The following CLCN2 variants were observed in gnomAD, a reference collection of about 807,000 sequenced individuals.
CLCN2 encodes chloride voltage-gated channel 2, also known as chloride channel protein 2.
In CLCN2, 72 loss-of-function variants were observed where a neutral mutation model predicts 108.3. The ratio of observed to expected loss-of-function variants is 0.66; its 90% CI spans 0.55 to 0.81. The LOEUF (loss-of-function observed/expected upper bound fraction) is 0.81. Ranked by LOEUF, CLCN2 falls within the 30% of genes least tolerant of loss-of-function variation. The pLI, the probability that CLCN2 is intolerant of heterozygous loss-of-function variation, is 0.00. For synonymous variants in CLCN2, 471 were observed against 467.1 expected, an observed-to-expected ratio of 1.01 and a Z score of -0.11; for missense variants, 1,048 against 1,205.2, an observed-to-expected ratio of 0.87 and a Z score of 1.93.
intron 10 of CLCN2, chr3:184,356,353 A>G (rs1350009572): frequency 2.4e-5 from 4 of 164,310 alleles, no homozygotes; most frequent in Non-Finnish European, 5.3e-5. Flanking sequence ...TTAAAAAAAA[A>G]AAAATCTCGG....
intron 20 of CLCN2, 34 bp from the exon 21 acceptor site, chr3:184,352,365 GC>G (rs1424986598): frequency 6.2e-7 from 1 of 1,613,482 alleles, no homozygotes; most frequent in African/African-American, 1.3e-5. Flanking sequence ...GCAGCTAGGG[GC>G]TCTGGAGTTT....
At position 184,346,293 on chromosome 3, in the gene CLCN2, G is replaced by T; in HGVS notation, c.*313C>A. 4.3e-6 allele frequency: 2 copies of T among 465,968 alleles called. No individual in the cohort carries two copies. The highest frequency in any genetic ancestry group is 4.6e-5 in the South Asian group (2 of 43,228). 28.9% of individuals were successfully genotyped at this position (465,968 alleles called of 1,614,324 possible). ...AATCTCTATATACATCTGGTCATTG[G>T]AGGTTCCAGTTATAAACCCATCTTA... On this transcript the variant is annotated 3_prime_UTR_variant, in exon 24 of 24. Transcript: ENST00000265593. The surrounding 1 kb of genome is among the most constrained non-coding windows in gnomAD (Gnocchi z 6.0).
Position 184,354,557 on chromosome 3 carries a change from C to T in CLCN2, c.1498G>A (p.Ala500Thr). The T allele has an allele frequency of 6.2e-7, 1 of 1,612,824 alleles. No homozygotes were observed. Among genetic ancestry groups the T allele is most frequent in the Non-Finnish European group, 8.5e-7 (1 of 1,179,714 alleles). The change falls in exon 14 of 24, where the codon GCT becomes ACT. Residue 500 changes from alanine to threonine, a missense_variant. Ala to Thr is a moderately conservative substitution (Grantham distance 58, BLOSUM62 0). Coordinates refer to ENST00000265593, the MANE Select transcript of CLCN2 (RefSeq NM_004366.6). ...GACCTGAGGCACTCACCGACCACAGCGTAGCCCCCAGGCACAATCCGGTAG... is the reference window on the plus strand; with the variant it reads ...GACCTGAGGCACTCACCGACCACAGTGTAGCCCCCAGGCACAATCCGGTAG... ...STYRIVPGGY[A>T]VVGAAALAGA...
chr3:184,346,570 C>T lies in CLCN2; in HGVS notation c.*36G>A. 3 of 1,609,182 alleles carry T rather than the reference C, an allele frequency of 1.9e-6. No homozygotes were observed. The South Asian group carries it at 3.3e-5, about 18-fold the overall frequency. The stretch of plus-strand genomic sequence containing the variant: ...AAGATGCACATTCTGGGCTGACGGG[C>T]ATGGCTAGCACCATCCTAGGCCACC... On this transcript the variant is annotated 3_prime_UTR_variant, in exon 24 of 24. Coordinates refer to ENST00000265593, the MANE Select transcript of CLCN2 (RefSeq NM_004366.6). The surrounding 1 kb of genome is among the most constrained non-coding windows in gnomAD (Gnocchi z 6.0).
chr3:184,358,460 G>C, intron 3 of CLCN2, 150 bp from the exon 4 acceptor site: 3 of 1,231,318 alleles, frequency 2.4e-6, no homozygotes, highest in Non-Finnish European at 3.5e-6. Flanking sequence ...TATTCACTGG[G>C]ACAAAGCGCA....
chr3:184,357,914 C>G (rs754945593), intron 5 of CLCN2, 48 bp downstream of exon 5: 1 of 1,613,708 alleles, frequency 6.2e-7, no homozygotes, highest in Non-Finnish European at 8.5e-7. Context: ...TTGGCCTGGC[C>G]TCCTCTTCCA....
At chr3:184,351,468 G>A (rs1013907822) in intron 22 of CLCN2, among the ~76,000 whole-genome samples, 2 of 152,106 alleles carry the variant, frequency 1.3e-5, no homozygotes, top group African/African-American at 2.4e-5. Flanking sequence ...ATCTTCCCGC[G>A]TCCGTACCAG....
Position 184,353,689 on chromosome 3 carries a change from G to C in CLCN2, c.1828C>G (p.Arg610Gly). Residue 610 changes from arginine to glycine, a missense_variant, in exon 16 of 24, where the codon CGA becomes GGA. Transcript: ENST00000265593. ...GGGGACTCCACTAGGGCCAGCATTCGGCCCTTGGTCCTGTGCAGTGCCAAA... is the reference window on the plus strand; with the variant it reads ...GGGGACTCCACTAGGGCCAGCATTCCGCCCTTGGTCCTGTGCAGTGCCAAA... ...LRLALHRTKGRMLALVESPES... is the reference protein window; with the variant it reads ...LRLALHRTKGGMLALVESPES... 6.2e-7 allele frequency: 1 copy of C among 1,612,010 alleles called. No homozygotes were observed. The highest frequency in any genetic ancestry group is 8.5e-7 in the Non-Finnish European group (1 of 1,179,596).
chr3:184,353,639 C>T (rs369618522), intron 16 of CLCN2, 23 bp downstream of exon 16: 48 of 1,611,320 alleles, frequency 3.0e-5, no homozygotes, highest in Non-Finnish European at 3.9e-5. Context: ...GCCCCTAGCA[C>T]CTGGGACCCC....
Position 184,355,238 on chromosome 3 carries a change from C to G in CLCN2, c.1326+136G>C. The stretch of plus-strand genomic sequence containing the variant: ...GCCAGCTACTTGTGTTTCGACTCCC[C>G]CATCTTTCAAACGGGGGTGATAATA... On this transcript the variant is annotated intron_variant, in intron 12 of 23. Transcript: ENST00000265593. This position sits in a 1 kb window ranked among gnomAD's most constrained non-coding sequence, Gnocchi z 6.3. The G allele has an allele frequency of 9.7e-7, 1 of 1,035,524 alleles. No individual in the cohort carries two copies. Among genetic ancestry groups the G allele is most frequent in the Non-Finnish European group, 1.5e-6 (1 of 666,602 alleles). The allele number at this position is 1,035,524 out of a possible 1,614,324, so 64.1% of individuals were successfully genotyped here. A position where few individuals can be genotyped will look rare whatever the true frequency, so the allele number is the denominator to read the frequency against.
intron 13 of CLCN2, 68 bp downstream of exon 13, chr3:184,354,836 G>A (rs1467902595): frequency 6.5e-7 from 1 of 1,549,236 alleles, no homozygotes; most frequent in Non-Finnish European, 8.9e-7. Flanking sequence ...TGGGCAGAGG[G>A]TTGGCTGGGG....
chr3:184,357,282 G>A lies in CLCN2; in HGVS notation c.899-16C>T. The A allele has an allele frequency of 6.2e-7, 1 of 1,613,984 alleles. No homozygotes were observed. The highest frequency in any genetic ancestry group is 8.5e-7 in the Non-Finnish European group (1 of 1,179,932). On this transcript the variant is annotated splice_polypyrimidine_tract_variant and intron_variant, in intron 8 of 23. Coordinates refer to ENST00000265593, the MANE Select transcript of CLCN2 (RefSeq NM_004366.6). ...GTAATAGTCTCTAAAGGGAAGAACA[G>A]CAGAGGGAGGCAGGCCTAGCCTCGT... is the stretch of plus-strand genomic sequence containing the variant.
At position 184,354,104 on chromosome 3, in the gene CLCN2, T is replaced by G; in HGVS notation, c.1718A>C (p.His573Pro). 3.7e-6 allele frequency: 6 copies of G among 1,611,274 alleles called. No homozygotes were observed. Among genetic ancestry groups the G allele is most frequent in the Non-Finnish European group, 5.1e-6 (6 of 1,179,488 alleles). ...PYLPELGWGR[H>P]QQYRVRVEDI... ...CTTGGCACCCAGCCCTCCGTACTGG[T>G]GGCGGCCCCAGCCGAGCTCAGGCAG... Residue 573 changes from histidine (H) to proline (P), a missense_variant, in exon 15 of 24, where the codon CAC becomes CCC. Coordinates refer to ENST00000265593, the MANE Select transcript of CLCN2 (RefSeq NM_004366.6).
Position 184,354,984 on chromosome 3 carries a change from G to T in CLCN2, c.1327-11C>A, listed in dbSNP as rs772906548. On this transcript the variant is annotated splice_polypyrimidine_tract_variant and intron_variant, in intron 12 of 23. Transcript: ENST00000265593. Reference sequence around the variant, plus strand: ...TGCAGACATCCAGAACTGCAGGCAGGGGGTGGTTCAAAGGCGAAGAGGCTC... The same window carrying T: ...TGCAGACATCCAGAACTGCAGGCAGTGGGTGGTTCAAAGGCGAAGAGGCTC... The T allele has an allele frequency of 6.2e-7, 1 of 1,613,784 alleles. No individual in the cohort carries two copies. The highest frequency in any genetic ancestry group is 2.2e-5 in the East Asian group (1 of 44,866).
intron 22 of CLCN2, chr3:184,347,295 T>C (rs1027151173): frequency 3.2e-5 from 16 of 503,740 alleles, no homozygotes; most frequent in Non-Finnish European, 5.4e-5. Flanking sequence ...AGTCCCATGT[T>C]AGAAAGGGGG....
intron 19 of CLCN2, 37 bp downstream of exon 19, chr3:184,352,699 GA>G: frequency 6.2e-7 from 1 of 1,608,044 alleles, no homozygotes; most frequent in Non-Finnish European, 8.5e-7. Context: ...GGGAGCTGGG[GA>G]AAAAGCAAGC....
At chr3:184,351,466 G>A (rs1728087946) in intron 22 of CLCN2, among the ~76,000 whole-genome samples, 2 of 152,110 alleles carry the variant, frequency 1.3e-5, no homozygotes, top group African/African-American at 4.8e-5. Context: ...CCATCTTCCC[G>A]CGTCCGTACC....
Position 184,352,095 on chromosome 3 carries a change from T to C in CLCN2, c.2333A>G (p.Gln778Arg). 6.2e-7 allele frequency: 1 copy of C among 1,613,760 alleles called. No individual in the cohort carries two copies. Among genetic ancestry groups the C allele is most frequent in the Non-Finnish European group, 8.5e-7 (1 of 1,179,858 alleles). ...PEEILEWEEQ[Q>R]LDEPVNFSDC... ...ACTGAAGTTGACAGGTTCATCTAGT[T>C]GCTGCTCCTCCCACTCCAGAATCTG... Residue 778 changes from glutamine to arginine, a missense_variant, in exon 22 of 24, where the codon CAA (glutamine) becomes CGA (arginine). Coordinates refer to ENST00000265593, the MANE Select transcript of CLCN2 (RefSeq NM_004366.6).
rs968131033 is a variant in CLCN2, at chr3:184,355,036, C to T, written c.1327-63G>A. The T allele has an allele frequency of 8.8e-6, 13 of 1,483,542 alleles. No homozygotes were observed. The highest frequency in any genetic ancestry group is 1.4e-5 in the African/African-American group (1 of 72,228). 91.9% of individuals were successfully genotyped at this position (1,483,542 alleles called of 1,614,324 possible). A position where few individuals can be genotyped will look rare whatever the true frequency, so the allele number is the denominator to read the frequency against. The stretch of plus-strand genomic sequence containing the variant: ...ACCTGGCCCCAGGCAGCCCACAGCG[C>T]CACCCAGGAGAAGTCTACCTCGCTG... On this transcript the variant is annotated intron_variant, in intron 12 of 23. Transcript: ENST00000265593. The surrounding 1 kb of genome is among the most constrained non-coding windows in gnomAD (Gnocchi z 6.3).
Sources: gnomAD v4.1 joint callset for allele counts (sites outside exome capture counted in the v4.1 genomes callset) on GRCh38, gnomAD v4.1.1 for gene constraint, Gnocchi (gnomAD v3.1) non-coding constraint, MANE v1.5 for transcripts, NCBI Gene and HGNC (gene_info 2026-07-23, HGNC 2026-07-21) for gene names.